Variants in UXS1 observed in about 807,000 individuals in gnomAD.
UXS1 encodes UDP-glucuronic acid decarboxylase 1.
In UXS1, 33 loss-of-function variants were observed where a neutral mutation model predicts 62.6. That is an observed-to-expected ratio of 0.53 (90% CI 0.40 to 0.70). The LOEUF (loss-of-function observed/expected upper bound fraction) is 0.70, where lower values mean the gene tolerates loss of function less well. Ranked by LOEUF, UXS1 falls within the 30% of genes least tolerant of loss-of-function variation. The pLI is 0.00. For synonymous variants in UXS1, 213 were observed against 206.8 expected (o/e 1.03, Z -0.26); for missense variants, 434 against 556.3 (o/e 0.78, Z 2.21).
chr2:106,159,695 TC>T (rs2105045804), intron 4 of UXS1, among the ~76,000 whole-genome samples: 1 of 152,274 alleles, frequency 6.6e-6, no homozygotes, highest in East Asian at 1.9e-4. Flanking sequence ...ACCGTCTCCA[TC>T]CCTGCCCTGT....
At chr2:106,180,747 T>C (rs1310495707) in intron 1 of UXS1, among the ~76,000 whole-genome samples, 1 of 152,046 alleles carries the variant, frequency 6.6e-6, no homozygotes, top group Non-Finnish European at 1.5e-5. Flanking sequence ...AATAGAAAAA[T>C]TCCAGACCAC....
chr2:106,121,806 T>A (rs1206280976), intron 9 of UXS1, among the ~76,000 whole-genome samples: 1 of 152,228 alleles, frequency 6.6e-6, no homozygotes, highest in Non-Finnish European at 1.5e-5. Flanking sequence ...TGGCATTTCA[T>A]TAAACACATG....
At position 106,122,984 on chromosome 2, in the gene UXS1, C is replaced by A; in HGVS notation, c.745G>T (p.Ala249Ser). 1.2e-6 allele frequency: 2 copies of A among 1,613,872 alleles called. No homozygotes were observed. The highest frequency in any genetic ancestry group is 1.7e-6 in the Non-Finnish European group (2 of 1,179,804). ...GKRVAETMCYAYMKQEGVEVR... is the reference protein window; with the variant it reads ...GKRVAETMCYSYMKQEGVEVR... Reference sequence around the variant, plus strand: ...TGGTGAAATACCTGCTTCATGTAGGCATAGCACATGGTCTCTGCAACACGT... The same window carrying A: ...TGGTGAAATACCTGCTTCATGTAGGAATAGCACATGGTCTCTGCAACACGT... The change falls in exon 9 of 15, where the codon GCC (alanine) becomes TCC (serine). Residue 249 changes from alanine (A) to serine (S), a missense_variant. Transcript: ENST00000283148.
intron 7 of UXS1, among the ~76,000 whole-genome samples, chr2:106,128,642 T>C (rs1680173069): frequency 1.3e-5 from 2 of 152,166 alleles, no homozygotes; most frequent in Non-Finnish European, 2.9e-5. Context: ...GTTCTCTTTC[T>C]TGCTTGCAGA....
chr2:106,153,471 T>C (rs922501349), intron 5 of UXS1, among the ~76,000 whole-genome samples: 3 of 152,034 alleles, frequency 2.0e-5, no homozygotes, highest in Admixed American at 6.6e-5. Flanking sequence ...AGCTTCACAC[T>C]GGAGTGGCGG....
rs766669334 is a variant in UXS1 at position 106,094,167 on chromosome 2, G to C, written c.1147-10C>G. 1.2e-6 allele frequency: 2 copies of C among 1,607,000 alleles called. No individual in the cohort carries two copies. Among genetic ancestry groups the C allele is most frequent in the African/African-American group, 1.4e-5 (1 of 71,974 alleles). On this transcript the variant is annotated splice_polypyrimidine_tract_variant and intron_variant, in intron 14 of 14. Transcript: ENST00000283148. ...CTTCCTCCAGCGGGACCTGTTTAAA[G>C]GGAAAGCAAGAAAGGGAGACAAGGT...
rs142779420 is a variant in UXS1, at chr2:106,127,059, A to G, written c.578-1380T>C. On this transcript the variant is annotated intron_variant, in intron 7 of 14. Coordinates refer to ENST00000283148, the MANE Select transcript of UXS1 (RefSeq NM_001253875.2). ...TTCCCTCAAAATCTATCCAAGCTGCAGTGTGTATCAAAGTTCCTTCCTAAT... is the reference window on the plus strand; with the variant it reads ...TTCCCTCAAAATCTATCCAAGCTGCGGTGTGTATCAAAGTTCCTTCCTAAT... Among the ~76,000 whole-genome samples, 928 of 152,324 alleles carry G rather than the reference A, an allele frequency of 6.1e-3. 3 individuals carry two copies. The highest frequency in any genetic ancestry group is 0.01 in the Middle Eastern group (3 of 294).
At chr2:106,136,206 T>A (rs1680627089) in intron 6 of UXS1, among the ~76,000 whole-genome samples, 1 of 47,400 alleles carries the variant, frequency 2.1e-5, no homozygotes, top group African/African-American at 7.9e-5. Context: ...TCAAAACCAC[T>A]ATGAGATATC....
chr2:106,125,774 C>T, intron 7 of UXS1, 95 bp from the exon 8 acceptor site: 1 of 1,054,298 alleles, frequency 9.5e-7, no homozygotes, highest in Non-Finnish European at 1.3e-6. Flanking sequence ...GTATTAAAGA[C>T]ATTTAATTAT....
chr2:106,175,858 C>A (rs182502573), intron 1 of UXS1, among the ~76,000 whole-genome samples: 15 of 152,182 alleles, frequency 9.9e-5, no homozygotes, highest in Admixed American at 8.5e-4. Context: ...ATAAATACAA[C>A]GGTAACTGTT....
chr2:106,193,187 T>C (rs954862554), intron 1 of UXS1, among the ~76,000 whole-genome samples: 2 of 152,034 alleles, frequency 1.3e-5, no homozygotes, highest in African/African-American at 4.8e-5. Flanking sequence ...ACAAGTGAAG[T>C]ACCCACTCAC....
intron 9 of UXS1, among the ~76,000 whole-genome samples, chr2:106,115,699 T>G (rs540755922): frequency 6.6e-6 from 1 of 152,320 alleles, no homozygotes; most frequent in Admixed American, 6.5e-5. Context: ...TCACTTCAGT[T>G]TCTAAGACTT....
In UXS1 at chr2:106,114,780, C is replaced by T. The variant is rs370307306; in HGVS notation, c.760-2015G>A. On this transcript the variant is annotated intron_variant, in intron 9 of 14. Coordinates refer to ENST00000283148, the MANE Select transcript of UXS1 (RefSeq NM_001253875.2). Reference sequence around the variant, plus strand: ...AGAGGGCAGCCCTTCTATACAGGTGCAACAGCCGTTGAGTGCAACAACACT... The same window carrying T: ...AGAGGGCAGCCCTTCTATACAGGTGTAACAGCCGTTGAGTGCAACAACACT... Among the ~76,000 whole-genome samples the T allele has an allele frequency of 4.6e-5, 7 of 152,188 alleles. No homozygotes were observed. The East Asian group carries it at 9.6e-4, about 21-fold the overall frequency.
intron 5 of UXS1, among the ~76,000 whole-genome samples, chr2:106,150,563 G>A (rs781356672): frequency 4.6e-5 from 7 of 152,220 alleles, no homozygotes; most frequent in South Asian, 2.1e-4. Flanking sequence ...CTACCGCTCC[G>A]GAAGATATAG....
intron 1 of UXS1, among the ~76,000 whole-genome samples, chr2:106,180,617 T>C (rs1684183202): frequency 6.6e-6 from 1 of 152,222 alleles, no homozygotes; most frequent in Non-Finnish European, 1.5e-5. Context: ...TGGAAACACG[T>C]TGCACTCACA....
chr2:106,116,375 A>G (rs1679054866), intron 9 of UXS1, among the ~76,000 whole-genome samples: 1 of 152,182 alleles, frequency 6.6e-6, no homozygotes, highest in South Asian at 2.1e-4. Context: ...AGTCCTCACC[A>G]AAGGACTCAA....
chr2:106,095,940 A>G (rs1287749034), intron 14 of UXS1, among the ~76,000 whole-genome samples: 1 of 152,170 alleles, frequency 6.6e-6, no homozygotes, highest in Non-Finnish European at 1.5e-5. Context: ...AGCCCCAGGG[A>G]GGCAGCAGCC....
intron 1 of UXS1, among the ~76,000 whole-genome samples, chr2:106,181,990 T>A (rs1684274903): frequency 6.6e-6 from 1 of 152,226 alleles, no homozygotes; most frequent in Non-Finnish European, 1.5e-5. Flanking sequence ...GATTATGACT[T>A]CAGGGCTCAT....
intron 1 of UXS1, among the ~76,000 whole-genome samples, chr2:106,175,662 C>T (rs1257755276): frequency 2.0e-5 from 3 of 152,148 alleles, no homozygotes; most frequent in Admixed American, 1.3e-4. Flanking sequence ...AGTCTGACCA[C>T]GTGAGGCCAG....
Sources: gnomAD v4.1 joint callset for allele counts (sites outside exome capture counted in the v4.1 genomes callset) on GRCh38, gnomAD v4.1.1 for gene constraint, MANE v1.5 for transcripts, NCBI Gene and HGNC (gene_info 2026-07-23, HGNC 2026-07-21) for gene names.